FGF18: variants seen among roughly 807,000 people sequenced by gnomAD.
FGF18 encodes fibroblast growth factor 18.
In FGF18, 5 loss-of-function variants were observed where a neutral mutation model predicts 23.0. The ratio of observed to expected loss-of-function variants is 0.22; its 90% CI spans 0.11 to 0.46. The LOEUF is 0.46. FGF18 is among the 20% of genes least tolerant of loss of function. FGF18 has a pLI of 0.99. For synonymous variants in FGF18, 117 were observed against 118.9 expected, an observed-to-expected ratio of 0.98 and a Z score of 0.10; for missense variants, 180 against 291.6, an observed-to-expected ratio of 0.62 and a Z score of 2.79.
intron 2 of FGF18, among the ~76,000 whole-genome samples, chr5:171,430,510 C>T (rs1302577488): frequency 5.6e-5 from 8 of 143,044 alleles, no homozygotes; most frequent in South Asian, 2.1e-4. Flanking sequence ...AAAAGAGGGC[C>T]GGGCGCGGTG....
At chr5:171,446,723 G>A (rs1320947704) in intron 3 of FGF18, among the ~76,000 whole-genome samples, 1 of 152,122 alleles carries the variant, frequency 6.6e-6, no homozygotes, top group African/African-American at 2.4e-5. Context: ...GAGTAGGGTC[G>A]AGCCCCTCCC....
intron 3 of FGF18, among the ~76,000 whole-genome samples, chr5:171,448,434 G>A (rs2113359660): frequency 6.6e-6 from 1 of 152,312 alleles, no homozygotes; most frequent in East Asian, 1.9e-4. Context: ...ACTAGCAGGG[G>A]CTCCAGATGT....
At chr5:171,448,001 C>T (rs537973521) in intron 3 of FGF18, among the ~76,000 whole-genome samples, 14 of 152,114 alleles carry the variant, frequency 9.2e-5, no homozygotes, top group Non-Finnish European at 1.5e-4. Context: ...GGAGAGAGAG[C>T]TAAGAGAGGG....
chr5:171,423,346 A>G (rs1207986366), intron 2 of FGF18, among the ~76,000 whole-genome samples: 4 of 152,242 alleles, frequency 2.6e-5, no homozygotes, highest in Non-Finnish European at 5.9e-5. Flanking sequence ...CGGCGTGACC[A>G]GTAAATTGCT....
At chr5:171,437,433 C>T (rs986199039) in intron 3 of FGF18, among the ~76,000 whole-genome samples, 5 of 152,208 alleles carry the variant, frequency 3.3e-5, no homozygotes, top group Non-Finnish European at 5.9e-5. Context: ...TGGGCTTGTG[C>T]ACCTCCGGGC....
At position 171,436,395 on chromosome 5, in the gene FGF18, T is replaced by A; in HGVS notation, c.250+122T>A. The A allele has an allele frequency of 1.4e-6, 1 of 717,610 alleles. No homozygotes were observed. The highest frequency in any genetic ancestry group is 2.1e-6 in the Non-Finnish European group (1 of 480,030). 44.5% of individuals were successfully genotyped at this position (717,610 alleles called of 1,614,324 possible). On this transcript the variant is annotated intron_variant, in intron 3 of 4. Transcript: ENST00000274625. The surrounding 1 kb of genome is among the most constrained non-coding windows in gnomAD (Gnocchi z 4.4). ...GGCTGTGTGATCTTGGACCTGGCAC[T>A]GACCCTTTCTGGGTCTGTTTCCTGA... is the stretch of plus-strand genomic sequence containing the variant.
At chr5:171,453,732 T>C (rs1239883053) in intron 4 of FGF18, among the ~76,000 whole-genome samples, 1 of 152,060 alleles carries the variant, frequency 6.6e-6, no homozygotes, top group African/African-American at 2.4e-5. Context: ...CAATAAATGG[T>C]TAATGACTGA....
Position 171,451,295 on chromosome 5 carries a change from T to C in FGF18, c.357+2042T>C, listed in dbSNP as rs1772504218. ...CCCAACCCTTGCCAGCCTCCTGTCT[T>C]CTGGGCCCACCCGGGGGACTCGAGG... On this transcript the variant is annotated intron_variant, in intron 4 of 4. Coordinates refer to ENST00000274625, the MANE Select transcript of FGF18 (RefSeq NM_003862.3). The surrounding 1 kb of genome is among the most constrained non-coding windows in gnomAD (Gnocchi z 4.5). Among the ~76,000 whole-genome samples, 2 of 152,104 alleles carry C rather than the reference T, an allele frequency of 1.3e-5. No individual in the cohort carries two copies. Among genetic ancestry groups the C allele is most frequent in the South Asian group, 2.1e-4 (1 of 4,824 alleles).
chr5:171,439,891 GA>G (rs200832259), intron 3 of FGF18, among the ~76,000 whole-genome samples: 3 of 151,216 alleles, frequency 2.0e-5, no homozygotes, highest in East Asian at 3.9e-4. Context: ...CTCTGTTTGA[GA>G]AAAAAAAATG....
chr5:171,449,729 T>G (rs962639985), intron 4 of FGF18, among the ~76,000 whole-genome samples: 1 of 152,012 alleles, frequency 6.6e-6, no homozygotes, highest in East Asian at 1.9e-4. Context: ...CCTGGCCGCC[T>G]CGTCAGCGCT....
chr5:171,447,197 C>G (rs1772430184), intron 3 of FGF18, among the ~76,000 whole-genome samples: 1 of 152,176 alleles, frequency 6.6e-6, no homozygotes, highest in African/African-American at 2.4e-5. Flanking sequence ...CAGTTGGGGC[C>G]AGGGATTCAT....
intron 4 of FGF18, among the ~76,000 whole-genome samples, chr5:171,454,874 G>A (rs529893335): frequency 1.2e-4 from 19 of 152,276 alleles, no homozygotes; most frequent in African/African-American, 3.6e-4. Flanking sequence ...CTTCCCCATC[G>A]AGCAATTCGG....
In FGF18 at chr5:171,444,672, TG is replaced by T. The variant is rs751756216; in HGVS notation, c.251-4474del. Among the ~76,000 whole-genome samples, 15 of 151,976 alleles carry T rather than the reference TG, an allele frequency of 9.9e-5. No individual in the cohort carries two copies. The East Asian group carries it at 2.9e-3, about 30-fold the overall frequency. On this transcript the variant is annotated intron_variant, in intron 3 of 4. Coordinates refer to ENST00000274625, the MANE Select transcript of FGF18 (RefSeq NM_003862.3). ...GTCGCACCAGGAAGGCGCACAGTGG[TG>T]AAGGGCACTGACCATGGAATCAGAC...
At chr5:171,430,815 AAG>A in intron 2 of FGF18, among the ~76,000 whole-genome samples, 3 of 109,174 alleles carry the variant, frequency 2.7e-5, no homozygotes, top group East Asian at 3.4e-4. Flanking sequence ...AAAAAAAAAA[AAG>A]AAAAAAGAGT....
intron 2 of FGF18, among the ~76,000 whole-genome samples, chr5:171,435,292 G>A (rs1055292921): frequency 2.2e-4 from 33 of 152,304 alleles, no homozygotes; most frequent in African/African-American, 7.9e-4. Flanking sequence ...AGACTACCAG[G>A]GGGCGAGAGT....
In FGF18 at chr5:171,436,344, G is replaced by A. The variant is rs563380007; in HGVS notation, c.250+71G>A. On this transcript the variant is annotated intron_variant, in intron 3 of 4. Coordinates refer to ENST00000274625, the MANE Select transcript of FGF18 (RefSeq NM_003862.3). This position sits in a 1 kb window ranked among gnomAD's most constrained non-coding sequence, Gnocchi z 4.4. ...TCCTTCCTGGCCTCAGAGACCTCAA[G>A]TTCAAATGCCAGCCTTGCTGCTCCT... The A allele has an allele frequency of 9.2e-5, 114 of 1,245,220 alleles. No individual in the cohort carries two copies. In the African/African-American group the frequency reaches 1.0e-3, roughly 11 times the overall value. 77.1% of individuals were successfully genotyped at this position (1,245,220 alleles called of 1,614,324 possible).
At chr5:171,426,619 A>T (rs530890333) in intron 2 of FGF18, among the ~76,000 whole-genome samples, 3 of 152,328 alleles carry the variant, frequency 2.0e-5, no homozygotes, top group Non-Finnish European at 4.4e-5. Flanking sequence ...TGTGCCAAGG[A>T]TGGGGCCAAA....
At chr5:171,454,108 G>A (rs1772550389) in intron 4 of FGF18, among the ~76,000 whole-genome samples, 1 of 152,138 alleles carries the variant, frequency 6.6e-6, no homozygotes, top group African/African-American at 2.4e-5. Context: ...ATGGGGTTCA[G>A]AAGATGGAGT....
intron 3 of FGF18, among the ~76,000 whole-genome samples, chr5:171,448,221 TGG>T (rs1772446163): frequency 6.6e-6 from 1 of 152,140 alleles, no homozygotes; most frequent in Non-Finnish European, 1.5e-5. Context: ...TGGTGTAGCA[TGG>T]GGTCTCCCAC....
Sources: allele counts gnomAD v4.1 joint callset (sites outside exome capture counted in the v4.1 genomes callset), GRCh38; gene constraint gnomAD v4.1.1; non-coding constraint Gnocchi (gnomAD v3.1); transcripts MANE v1.5; gene names NCBI Gene and HGNC (gene_info 2026-07-23, HGNC 2026-07-21).